The following CUL2 variants were observed in gnomAD, a reference collection of about 807,000 sequenced individuals.
The protein encoded by CUL2 is cullin 2.
CUL2 carries 22 observed loss-of-function variants against 110.2 expected under a neutral mutation model. That is an observed-to-expected ratio of 0.20 (90% confidence interval 0.14 to 0.28). CUL2 has a LOEUF of 0.28. CUL2 is among the 10% of genes least tolerant of loss of function. CUL2 has a pLI of 1.00. For missense variants in CUL2, 631 were observed against 905.5 expected, an observed-to-expected ratio of 0.70 and a Z score of 3.89; for synonymous variants, 279 against 293.2, an observed-to-expected ratio of 0.95 and a Z score of 0.49.
intron 2 of CUL2, among the ~76,000 whole-genome samples, chr10:35,095,928 T>C (rs1266147287): frequency 6.6e-6 from 1 of 152,088 alleles, no homozygotes; most frequent in Non-Finnish European, 1.5e-5. Context: ...TGTACAACAG[T>C]TTTAACGTTT....
chr10:35,050,524 T>A (rs2086076320), intron 5 of CUL2, among the ~76,000 whole-genome samples: 1 of 152,092 alleles, frequency 6.6e-6, no homozygotes, highest in African/African-American at 2.4e-5. Context: ...AATAAAACAT[T>A]CCTGTATTCA....
intron 1 of CUL2, among the ~76,000 whole-genome samples, chr10:35,106,367 T>C (rs1178001349): frequency 2.0e-5 from 3 of 151,884 alleles, no homozygotes; most frequent in African/African-American, 7.3e-5. Context: ...TAGCCCAGGC[T>C]GGAGTGCAGT....
chr10:35,116,260 T>C (rs1456831224), intron 1 of CUL2, among the ~76,000 whole-genome samples: 3 of 151,888 alleles, frequency 2.0e-5, no homozygotes, highest in Admixed American at 2.0e-4. Flanking sequence ...CAAGAATTCC[T>C]TGAACCTGGG....
chr10:35,103,324 TTTTTTTTTA>T (rs2087410687), intron 1 of CUL2, among the ~76,000 whole-genome samples: 13 of 118,584 alleles, frequency 1.1e-4, no homozygotes, highest in Admixed American at 1.8e-4. Flanking sequence ...TTTTTTTTTT[TTTTTTTTTA>T]TTTTTTTTTG....
At chr10:35,011,742 T>C in intron 20 of CUL2, 106 bp downstream of exon 20, 1 of 612,464 alleles carries the variant, frequency 1.6e-6, no homozygotes, top group Non-Finnish European at 2.9e-6. Flanking sequence ...TTATGCTATC[T>C]GAGGATCAGG....
chr10:35,031,373 A>T lies in CUL2; in HGVS notation c.1313T>A (p.Met438Lys). The T allele has an allele frequency of 6.2e-7, 1 of 1,608,866 alleles. No homozygotes were observed. The highest frequency in any genetic ancestry group is 1.3e-5 in the African/African-American group (1 of 74,800). ...CCCATGAATTAAACGTTTTGCCAGCATTCTTGCGTAGAACTACATTTAAAA... is the reference window on the plus strand; with the variant it reads ...CCCATGAATTAAACGTTTTGCCAGCTTTCTTGCGTAGAACTACATTTAAAA... Reference protein sequence around the residue: ...KDVFQKFYARMLAKRLIHGLS... With the variant: ...KDVFQKFYARKLAKRLIHGLS... Residue 438 changes from methionine (M) to lysine (K), a missense_variant, in exon 14 of 21, where the codon ATG becomes AAG. Met to Lys is a moderately conservative substitution (Grantham distance 95, BLOSUM62 -1). This residue lies in a region of CUL2 where 134 missense variants were observed against 260.4 expected (regional missense o/e 0.51). Transcript: ENST00000374749. The surrounding 1 kb of genome is among the most constrained non-coding windows in gnomAD (Gnocchi z 4.4).
At chr10:35,116,692 C>A (rs1038338470) in intron 1 of CUL2, among the ~76,000 whole-genome samples, 5 of 152,096 alleles carry the variant, frequency 3.3e-5, no homozygotes, top group African/African-American at 1.2e-4. Context: ...TCTGGCTGGG[C>A]ATGGTGGCTC....
At chr10:35,103,777 C>T (rs1048295360) in intron 1 of CUL2, among the ~76,000 whole-genome samples, 5 of 152,110 alleles carry the variant, frequency 3.3e-5, no homozygotes, top group South Asian at 2.1e-4. Context: ...ATGTTTTCAC[C>T]GATGCAGGAT....
intron 16 of CUL2, among the ~76,000 whole-genome samples, chr10:35,027,312 T>C (rs1015038008): frequency 6.6e-6 from 1 of 151,970 alleles, no homozygotes; most frequent in Non-Finnish European, 1.5e-5. Context: ...GCCCGGCTAA[T>C]TTTTTCTATT....
chr10:35,050,075 C>T (rs902054473), intron 5 of CUL2, among the ~76,000 whole-genome samples: 2 of 152,128 alleles, frequency 1.3e-5, no homozygotes, highest in Admixed American at 1.3e-4. Flanking sequence ...GTAATCCCAG[C>T]ACTTTGGGAG....
chr10:35,021,760 C>G (rs2085195578), intron 17 of CUL2, among the ~76,000 whole-genome samples: 1 of 149,258 alleles, frequency 6.7e-6, no homozygotes, highest in Non-Finnish European at 1.5e-5. Context: ...CTAATGTGGG[C>G]TGTGATCGCG....
chr10:35,033,732 G>C (rs76701277), intron 10 of CUL2, among the ~76,000 whole-genome samples: 1 of 142,930 alleles, frequency 7.0e-6, no homozygotes, highest in Non-Finnish European at 1.5e-5. Context: ...GTGAGACTCC[G>C]TCTCAGAAAA....
chr10:35,061,461 C>CA (rs11347736), intron 3 of CUL2, among the ~76,000 whole-genome samples: 1,070 of 97,244 alleles, frequency 0.011, 10 homozygotes, highest in African/African-American at 0.031. Context: ...CTCTGTCTCC[C>CA]AAAAAAAAAA....
intron 2 of CUL2, among the ~76,000 whole-genome samples, chr10:35,069,858 G>A (rs1325078737): frequency 6.6e-6 from 1 of 152,042 alleles, no homozygotes; most frequent in Non-Finnish European, 1.5e-5. Context: ...AACTTGCCTA[G>A]CCCAATCTCA....
chr10:35,072,493 C>T (rs756949853), intron 1 of CUL2, among the ~76,000 whole-genome samples: 9 of 152,184 alleles, frequency 5.9e-5, no homozygotes, highest in East Asian at 1.9e-4. Context: ...CTGAACCTCC[C>T]GAGTAGCTGG....
intron 4 of CUL2, among the ~76,000 whole-genome samples, chr10:35,055,166 C>T (rs1446053313): frequency 2.6e-5 from 4 of 152,128 alleles, no homozygotes; most frequent in Non-Finnish European, 4.4e-5. Flanking sequence ...AGAAAGGACT[C>T]GTAATGTTCA....
At chr10:35,079,987 A>G (rs1425182078) in intron 1 of CUL2, among the ~76,000 whole-genome samples, 1 of 152,248 alleles carries the variant, frequency 6.6e-6, no homozygotes, top group Non-Finnish European at 1.5e-5. Flanking sequence ...AGGACAGTGC[A>G]AGATTTCATC....
intron 1 of CUL2, among the ~76,000 whole-genome samples, chr10:35,071,644 G>A (rs11596128): frequency 0.14 from 20,680 of 152,122 alleles, 1,610 homozygotes; most frequent in South Asian, 0.2. Context: ...TCCTGACCTC[G>A]TGATCCGCCC....
At chr10:35,079,192 T>A (rs756720081) in intron 1 of CUL2, among the ~76,000 whole-genome samples, 1 of 152,174 alleles carries the variant, frequency 6.6e-6, no homozygotes, top group Non-Finnish European at 1.5e-5. Context: ...TATAACAATA[T>A]GCTATAATAA....
Sources: allele counts gnomAD v4.1 joint callset (sites outside exome capture counted in the v4.1 genomes callset), GRCh38; gene constraint gnomAD v4.1.1; regional missense constraint gnomAD v4.1.1; non-coding constraint Gnocchi (gnomAD v3.1); transcripts MANE v1.5; gene names NCBI Gene and HGNC (gene_info 2026-07-23, HGNC 2026-07-21).